Variants in GUCY1A2 observed in about 807,000 individuals in gnomAD.
GUCY1A2 encodes guanylate cyclase soluble subunit alpha-2.
A neutral mutation model predicts 63.5 loss-of-function variants in GUCY1A2; 27 were observed. The ratio of observed to expected loss-of-function variants is 0.43; its 90% CI spans 0.31 to 0.59. GUCY1A2 has a LOEUF of 0.59. GUCY1A2 is among the 20% of genes least tolerant of loss of function. The pLI is 0.11. For synonymous variants in GUCY1A2, 364 were observed against 343.5 expected (o/e 1.06, Z -0.66); for missense variants, 768 against 913.3 (o/e 0.84, Z 2.05).
intron 1 of GUCY1A2, among the ~76,000 whole-genome samples, chr11:106,990,923 A>G (rs1861462599): frequency 6.6e-6 from 1 of 152,230 alleles, no homozygotes; most frequent in Admixed American, 6.5e-5. Flanking sequence ...TTAGTGACAT[A>G]TACTCACAAG....
intron 6 of GUCY1A2, among the ~76,000 whole-genome samples, chr11:106,748,799 G>T (rs988485449): frequency 6.6e-6 from 1 of 150,724 alleles, no homozygotes; most frequent in Non-Finnish European, 1.5e-5. Context: ...CCAAACCATG[G>T]ATTTAAAAAT....
chr11:106,868,776 C>T (rs1859631238), intron 4 of GUCY1A2, among the ~76,000 whole-genome samples: 2 of 152,026 alleles, frequency 1.3e-5, no homozygotes, highest in Non-Finnish European at 2.9e-5. Flanking sequence ...CATATGGAAC[C>T]AAAAAAGAGC....
At chr11:106,990,751 A>T (rs2445099) in intron 1 of GUCY1A2, among the ~76,000 whole-genome samples, 33,916 of 152,120 alleles carry the variant, frequency 0.22, 4,257 homozygotes, top group East Asian at 0.5. Flanking sequence ...TCCAAAACAG[A>T]ACTGACTTCA....
chr11:106,758,998 G>T (rs1864019807), intron 6 of GUCY1A2, among the ~76,000 whole-genome samples: 1 of 151,980 alleles, frequency 6.6e-6, no homozygotes, highest in South Asian at 2.1e-4. Context: ...GAAAGGAGGG[G>T]TCTGTTTGGA....
chr11:106,722,397 C>CA (rs1256997007), intron 6 of GUCY1A2, among the ~76,000 whole-genome samples: 10 of 150,746 alleles, frequency 6.6e-5, no homozygotes, highest in Admixed American at 6.6e-4. Context: ...TTAATGGCTG[C>CA]AAAAAGAAAA....
intron 4 of GUCY1A2, chr11:106,936,786 G>A (rs1458656496): frequency 2.7e-6 from 2 of 750,656 alleles, no homozygotes; most frequent in Non-Finnish European, 4.4e-6. Flanking sequence ...GTTAAATTAT[G>A]AGAGCCCTCA....
chr11:106,867,908 G>A (rs1859617700), intron 4 of GUCY1A2, among the ~76,000 whole-genome samples: 1 of 151,974 alleles, frequency 6.6e-6, no homozygotes, highest in South Asian at 2.1e-4. Context: ...TCTGCATATG[G>A]AATGACATTT....
intron 4 of GUCY1A2, among the ~76,000 whole-genome samples, chr11:106,823,569 A>G (rs1202290654): frequency 6.6e-6 from 1 of 152,062 alleles, no homozygotes; most frequent in Non-Finnish European, 1.5e-5. Context: ...TGCAGGTGTC[A>G]TTTTTAATAT....
At chr11:107,017,673 G>T in intron 1 of GUCY1A2, 80 bp downstream of exon 1, 1 of 834,492 alleles carries the variant, frequency 1.2e-6, no homozygotes, top group Non-Finnish European at 1.6e-6. Context: ...CTGCGCTCGC[G>T]CCCCGGCTCG....
intron 6 of GUCY1A2, among the ~76,000 whole-genome samples, chr11:106,760,978 T>G (rs1009655572): frequency 1.3e-5 from 2 of 152,178 alleles, no homozygotes; most frequent in African/African-American, 2.4e-5. Flanking sequence ...GTCAAGATAA[T>G]TGGACCTTCT....
Position 106,680,506 on chromosome 11 carries a change from T to C in GUCY1A2, c.*7043A>G, listed in dbSNP as rs1322681904. 5.0e-6 allele frequency: 1 copy of C among 198,958 alleles called. No homozygotes were observed. Among genetic ancestry groups the C allele is most frequent in the Non-Finnish European group, 1.0e-5 (1 of 96,472 alleles). 12.3% of individuals were successfully genotyped at this position (198,958 alleles called of 1,614,324 possible). The stretch of plus-strand genomic sequence containing the variant: ...AATAATAAGCAACAATACTTAAGTC[T>C]AATATAAAGAATGATCTGATCAGCA... On this transcript the variant is annotated 3_prime_UTR_variant, in exon 8 of 8. Transcript: ENST00000526355.
At chr11:106,889,032 A>G (rs1408810234) in intron 4 of GUCY1A2, among the ~76,000 whole-genome samples, 2 of 152,178 alleles carry the variant, frequency 1.3e-5, no homozygotes, top group South Asian at 4.1e-4. Context: ...TGTCCATTAG[A>G]TTAAAAAAAT....
At chr11:106,944,564 C>A (rs965182545) in intron 3 of GUCY1A2, among the ~76,000 whole-genome samples, 1 of 151,978 alleles carries the variant, frequency 6.6e-6, no homozygotes, top group Non-Finnish European at 1.5e-5. Context: ...ATCTGAGTGG[C>A]GAAATAATCT....
At chr11:106,708,366 C>T (rs1010815802) in intron 7 of GUCY1A2, 146 bp downstream of exon 7, 2 of 554,854 alleles carry the variant, frequency 3.6e-6, no homozygotes, top group Non-Finnish European at 6.3e-6. Context: ...GTCACAATTA[C>T]TATCTATCTT....
At chr11:106,855,194 G>A (rs1234265898) in intron 4 of GUCY1A2, among the ~76,000 whole-genome samples, 1 of 152,140 alleles carries the variant, frequency 6.6e-6, no homozygotes, top group African/African-American at 2.4e-5. Context: ...CAGACCCTAG[G>A]CAGCTCCCTG....
chr11:106,757,489 T>C (rs1490643154), intron 6 of GUCY1A2, among the ~76,000 whole-genome samples: 1 of 152,220 alleles, frequency 6.6e-6, no homozygotes, highest in East Asian at 1.9e-4. Flanking sequence ...TTTGTGGATT[T>C]ATCTACCTTG....
chr11:106,964,950 A>T (rs1186881318), intron 3 of GUCY1A2, among the ~76,000 whole-genome samples: 1 of 152,206 alleles, frequency 6.6e-6, no homozygotes, highest in Non-Finnish European at 1.5e-5. Context: ...ACTGCACTGT[A>T]GCCTGGGCGA....
intron 6 of GUCY1A2, among the ~76,000 whole-genome samples, chr11:106,721,193 G>A (rs958998837): frequency 2.0e-5 from 3 of 151,846 alleles, no homozygotes; most frequent in African/African-American, 7.2e-5. Context: ...CGAGTAGCTG[G>A]GACTACAGGC....
intron 6 of GUCY1A2, among the ~76,000 whole-genome samples, chr11:106,714,808 C>G (rs1298545466): frequency 6.6e-6 from 1 of 152,120 alleles, no homozygotes; most frequent in African/African-American, 2.4e-5. Context: ...AACAGCTCCC[C>G]AGCCCTGGAA....
Sources: allele counts gnomAD v4.1 joint callset (sites outside exome capture counted in the v4.1 genomes callset), GRCh38; gene constraint gnomAD v4.1.1; transcripts MANE v1.5; gene names NCBI Gene and HGNC (gene_info 2026-07-23, HGNC 2026-07-21).